The following PPP3R1 variants were observed in gnomAD, a reference collection of about 807,000 sequenced individuals.
PPP3R1 encodes the protein calcineurin subunit B type 1.
A neutral mutation model predicts 22.6 loss-of-function variants in PPP3R1; 5 were observed. The ratio of observed to expected loss-of-function variants is 0.22; its 90% CI spans 0.12 to 0.46. PPP3R1 has a LOEUF of 0.46. PPP3R1 is among the 20% of genes least tolerant of loss of function. The pLI is 0.99. For synonymous variants in PPP3R1, 56 were observed against 65.2 expected (o/e 0.86, Z 0.68); for missense variants, 61 against 203.2 (o/e 0.30, Z 4.25).
intron 2 of PPP3R1, among the ~76,000 whole-genome samples, chr2:68,192,296 G>A (rs534805525): frequency 6.6e-6 from 1 of 152,216 alleles, no homozygotes; most frequent in East Asian, 1.9e-4. Flanking sequence ...TAGGAAAGGT[G>A]ACAGGGAATT....
intron 2 of PPP3R1, among the ~76,000 whole-genome samples, chr2:68,204,771 T>A (rs944868740): frequency 6.6e-6 from 1 of 152,222 alleles, no homozygotes; most frequent in Admixed American, 6.5e-5. Flanking sequence ...TTCCCAAAGG[T>A]ATACAGCCTT....
intron 1 of PPP3R1, among the ~76,000 whole-genome samples, chr2:68,227,110 A>G (rs1299474169): frequency 6.6e-6 from 1 of 152,064 alleles, no homozygotes; most frequent in Non-Finnish European, 1.5e-5. Flanking sequence ...ATGCATCTAT[A>G]AAGTTTATTT....
At position 68,252,515 on chromosome 2, in the gene PPP3R1, C is replaced by A. The variant is rs1670392746; in HGVS notation, c.-388G>T. On this transcript the variant is annotated 5_prime_UTR_variant, in exon 1 of 6. Transcript: ENST00000234310. Reference sequence around the variant, plus strand: ...GACTCACTGCAGCGGCTCGCGCTGACCCGCAACCTCAAGGCACGAAAAAAG... The same window carrying A: ...GACTCACTGCAGCGGCTCGCGCTGAACCGCAACCTCAAGGCACGAAAAAAG... 3.1e-6 allele frequency: 3 copies of A among 954,544 alleles called. No individual in the cohort carries two copies. Among genetic ancestry groups the A allele is most frequent in the Non-Finnish European group, 3.7e-6 (3 of 820,976 alleles). 59.1% of individuals were successfully genotyped at this position (954,544 alleles called of 1,614,324 possible).
chr2:68,223,117 C>T (rs1669717040), intron 1 of PPP3R1, among the ~76,000 whole-genome samples: 1 of 152,124 alleles, frequency 6.6e-6, no homozygotes, highest in South Asian at 2.1e-4. Flanking sequence ...AAACTATGGC[C>T]GGGCGCGGTG....
chr2:68,188,228 C>T (rs1215307484), intron 3 of PPP3R1, among the ~76,000 whole-genome samples: 1 of 152,014 alleles, frequency 6.6e-6, no homozygotes, highest in African/African-American at 2.4e-5. Context: ...TAAGAATATA[C>T]AGTATTGCCC....
chr2:68,241,333 A>G (rs1331788893), intron 1 of PPP3R1, among the ~76,000 whole-genome samples: 1 of 151,960 alleles, frequency 6.6e-6, no homozygotes, highest in Non-Finnish European at 1.5e-5. Context: ...TTCCCCAAGT[A>G]TTTTCAATCC....
At chr2:68,235,629 T>G (rs1471811185) in intron 1 of PPP3R1, among the ~76,000 whole-genome samples, 1 of 152,206 alleles carries the variant, frequency 6.6e-6, no homozygotes, top group Non-Finnish European at 1.5e-5. Flanking sequence ...CTGTTTCCAT[T>G]TTTGGCCATT....
At chr2:68,214,736 A>G (rs1669545780) in intron 2 of PPP3R1, among the ~76,000 whole-genome samples, 1 of 152,176 alleles carries the variant, frequency 6.6e-6, no homozygotes, top group Admixed American at 6.5e-5. Context: ...TCCTCAAAGA[A>G]CTTAAAACAA....
intron 1 of PPP3R1, among the ~76,000 whole-genome samples, chr2:68,239,127 A>G (rs1670071724): frequency 6.6e-6 from 1 of 152,228 alleles, no homozygotes; most frequent in Non-Finnish European, 1.5e-5. Context: ...GTTGTGCAAT[A>G]AATTGTTCCA....
intron 1 of PPP3R1, among the ~76,000 whole-genome samples, chr2:68,226,750 G>A (rs903630701): frequency 2.6e-5 from 4 of 152,048 alleles, no homozygotes; most frequent in African/African-American, 9.7e-5. Flanking sequence ...ATTTGATTAG[G>A]TGCATGGTAA....
rs1471526618 is a variant in PPP3R1, at chr2:68,182,073, C to G, written c.466-1063G>C. On this transcript the variant is annotated intron_variant, in intron 5 of 5. Coordinates refer to ENST00000234310, the MANE Select transcript of PPP3R1 (RefSeq NM_000945.4). The stretch of plus-strand genomic sequence containing the variant: ...CACCAGACATCTCCCCTCCTCCAAC[C>G]CCCCCCTCCCCCCACCACACACACA... Among the ~76,000 whole-genome samples the G allele has an allele frequency of 1.9e-4, 7 of 37,196 alleles. 1 individual carries two copies. The highest frequency in any genetic ancestry group is 7.3e-4 in the African/African-American group (3 of 4,088). The allele number at this position is 37,196 out of a possible 152,430, so 24.4% of individuals were successfully genotyped here. A position where few individuals can be genotyped will look rare whatever the true frequency, so the allele number is the denominator to read the frequency against.
intron 1 of PPP3R1, among the ~76,000 whole-genome samples, chr2:68,231,067 T>A (rs899016306): frequency 5.9e-5 from 9 of 152,230 alleles, no homozygotes; most frequent in African/African-American, 1.7e-4. Flanking sequence ...CCTTAAGTAC[T>A]TTTTCAATCC....
At chr2:68,183,250 G>A (rs750679793) in intron 5 of PPP3R1, among the ~76,000 whole-genome samples, 8 of 152,318 alleles carry the variant, frequency 5.3e-5, no homozygotes, top group Non-Finnish European at 7.4e-5. Context: ...CAGGCAAAAT[G>A]CTCCATGTTC....
intron 1 of PPP3R1, among the ~76,000 whole-genome samples, chr2:68,230,528 A>AT (rs1669876803): frequency 6.6e-6 from 1 of 152,266 alleles, no homozygotes; most frequent in South Asian, 2.1e-4. Flanking sequence ...CAGTATTGTA[A>AT]TTTTTGCTTC....
chr2:68,209,378 A>T, intron 2 of PPP3R1, among the ~76,000 whole-genome samples: 1 of 134,724 alleles, frequency 7.4e-6, no homozygotes, highest in African/African-American at 2.8e-5. Context: ...AAAAAAAAAA[A>T]AAAAAAAAAA....
chr2:68,237,439 C>T (rs1001741045), intron 1 of PPP3R1, among the ~76,000 whole-genome samples: 1 of 152,006 alleles, frequency 6.6e-6, no homozygotes, highest in African/African-American at 2.4e-5. Flanking sequence ...TCTTGCTCTA[C>T]CATATCATGT....
At chr2:68,243,535 C>A (rs1397058344) in intron 1 of PPP3R1, among the ~76,000 whole-genome samples, 1 of 152,096 alleles carries the variant, frequency 6.6e-6, no homozygotes, top group African/African-American at 2.4e-5. Context: ...AAGCTATTTT[C>A]TCTTTTAATA....
At chr2:68,236,954 A>T (rs1670031273) in intron 1 of PPP3R1, among the ~76,000 whole-genome samples, 1 of 152,160 alleles carries the variant, frequency 6.6e-6, no homozygotes, top group Admixed American at 6.5e-5. Context: ...AAATTGGGGC[A>T]GCCCTCTGCT....
chr2:68,201,677 C>T (rs930045770), intron 2 of PPP3R1, among the ~76,000 whole-genome samples: 18 of 152,156 alleles, frequency 1.2e-4, no homozygotes, highest in African/African-American at 4.3e-4. Context: ...TATTCAAGAA[C>T]TCGTTTAAGT....
Sources: gnomAD v4.1 joint callset for allele counts (sites outside exome capture counted in the v4.1 genomes callset) on GRCh38, gnomAD v4.1.1 for gene constraint, MANE v1.5 for transcripts, NCBI Gene and HGNC (gene_info 2026-07-23, HGNC 2026-07-21) for gene names.